DLG1: variants seen among roughly 807,000 people sequenced by gnomAD.
DLG1 encodes disks large homolog 1.
Under a neutral mutation model 123.4 loss-of-function variants are expected in DLG1, and 42 were observed. That is an observed-to-expected ratio of 0.34 (90% CI 0.27 to 0.44). The LOEUF is 0.44. DLG1 is among the 20% of genes least tolerant of loss of function. The pLI is 1.00. For missense variants in DLG1, 942 were observed against 1,082.6 expected (o/e 0.87, Z 1.82); for synonymous variants, 317 against 356.2 (o/e 0.89, Z 1.24).
intron 9 of DLG1, among the ~76,000 whole-genome samples, chr3:197,137,540 T>TA (rs561475437): frequency 2.1e-3 from 319 of 152,242 alleles, no homozygotes; most frequent in African/African-American, 7.5e-3. Flanking sequence ...ATAAAACAAA[T>TA]AGATATTTTG....
intron 16 of DLG1, among the ~76,000 whole-genome samples, chr3:197,082,515 A>G (rs984700174): frequency 1.3e-5 from 2 of 152,230 alleles, no homozygotes; most frequent in Admixed American, 1.3e-4. Context: ...GTGAGCATTT[A>G]CAACTCAACT....
Position 197,297,938 on chromosome 3 carries a change from G to A in DLG1, c.-32+598C>T, listed in dbSNP as rs1352648212. The A allele has an allele frequency of 2.4e-5, 24 of 982,426 alleles. No individual in the cohort carries two copies. The Admixed American group carries it at 2.5e-4, about 10-fold the overall frequency. The allele number at this position is 982,426 out of a possible 1,614,324, so 60.9% of individuals were successfully genotyped here. On this transcript the variant is annotated intron_variant, in intron 1 of 24. Coordinates refer to ENST00000667157, the MANE Select transcript of DLG1 (RefSeq NM_001366207.1). ...AGCCGAGCGGAGGGGGCGAAGGGAC[G>A]GGGGAGGAGCTCCCCTGGGCCGCCG...
intron 4 of DLG1, among the ~76,000 whole-genome samples, chr3:197,236,011 T>C (rs1480430698): frequency 2.0e-5 from 3 of 152,060 alleles, no homozygotes; most frequent in African/African-American, 7.2e-5. Context: ...TCATCAAAAC[T>C]ATCATTCAAA....
chr3:197,188,573 T>C (rs1485391711), intron 5 of DLG1, among the ~76,000 whole-genome samples: 1 of 152,222 alleles, frequency 6.6e-6, no homozygotes, highest in Non-Finnish European at 1.5e-5. Flanking sequence ...AAGCTGTGCC[T>C]AATTTACAAT....
intron 4 of DLG1, among the ~76,000 whole-genome samples, chr3:197,212,733 C>T (rs1043022075): frequency 6.6e-6 from 1 of 152,162 alleles, no homozygotes; most frequent in Non-Finnish European, 1.5e-5. Flanking sequence ...ACCTTATCTC[C>T]AAATAAGGTC....
intron 18 of DLG1, chr3:197,075,797 G>A: frequency 6.3e-7 from 1 of 1,591,326 alleles, no homozygotes; most frequent in Non-Finnish European, 8.6e-7. Flanking sequence ...GTCTGCAGAT[G>A]GAGGTTAAAA....
At chr3:197,176,590 T>C (rs1807220296) in intron 5 of DLG1, among the ~76,000 whole-genome samples, 1 of 152,198 alleles carries the variant, frequency 6.6e-6, no homozygotes, top group South Asian at 2.1e-4. Context: ...TTCTTTCACC[T>C]GGTAATATTC....
At chr3:197,241,192 T>C (rs1163617739) in intron 4 of DLG1, among the ~76,000 whole-genome samples, 1 of 152,094 alleles carries the variant, frequency 6.6e-6, no homozygotes, top group African/African-American at 2.4e-5. Flanking sequence ...CTACCTTGTA[T>C]GACAACAGAC....
At chr3:197,111,674 C>A (rs527894861) in intron 13 of DLG1, among the ~76,000 whole-genome samples, 2 of 152,232 alleles carry the variant, frequency 1.3e-5, no homozygotes, top group Non-Finnish European at 2.9e-5. Context: ...CGATGTTCAA[C>A]TGTGCACTTC....
chr3:197,258,152 AT>A (rs147239349), intron 4 of DLG1, among the ~76,000 whole-genome samples: 1 of 152,004 alleles, frequency 6.6e-6, no homozygotes, highest in Non-Finnish European at 1.5e-5. Context: ...CCAGAAGAGT[AT>A]TTTTTTTAAC....
intron 4 of DLG1, among the ~76,000 whole-genome samples, chr3:197,230,579 G>A (rs1399620103): frequency 6.6e-6 from 1 of 152,186 alleles, no homozygotes; most frequent in Non-Finnish European, 1.5e-5. Flanking sequence ...AGCTAAACTT[G>A]TAGACCAGCA....
intron 6 of DLG1, among the ~76,000 whole-genome samples, chr3:197,143,216 C>T (rs1788930104): frequency 6.6e-6 from 1 of 151,996 alleles, no homozygotes; most frequent in Non-Finnish European, 1.5e-5. Context: ...ATTAGTATTC[C>T]CCACTGCCCA....
chr3:197,222,947 T>C (rs561700554), intron 4 of DLG1, among the ~76,000 whole-genome samples: 21 of 152,288 alleles, frequency 1.4e-4, no homozygotes, highest in African/African-American at 3.9e-4. Context: ...CTTCACAAAA[T>C]ATAAGTTTCT....
At chr3:197,203,240 G>C (rs1726766139) in intron 4 of DLG1, among the ~76,000 whole-genome samples, 2 of 152,100 alleles carry the variant, frequency 1.3e-5, no homozygotes, top group African/African-American at 4.8e-5. Context: ...CTCCAGCCTA[G>C]GCAACAGAGT....
At chr3:197,111,557 A>G (rs772055052) in intron 13 of DLG1, among the ~76,000 whole-genome samples, 3 of 152,230 alleles carry the variant, frequency 2.0e-5, no homozygotes, top group Non-Finnish European at 2.9e-5. Context: ...AAATTACAGT[A>G]TATTTTACAA....
chr3:197,078,382 G>A (rs1224474046), intron 17 of DLG1: 1 of 150,258 alleles, frequency 6.7e-6, no homozygotes, highest in Non-Finnish European at 1.5e-5. Context: ...TATGACTTGA[G>A]AAGACTTATT....
chr3:197,292,343 CTGAG>C (rs1775350324), intron 3 of DLG1, among the ~76,000 whole-genome samples: 1 of 152,186 alleles, frequency 6.6e-6, no homozygotes, highest in African/African-American at 2.4e-5. Flanking sequence ...GGACTCTACA[CTGAG>C]TGAAATAAGC....
chr3:197,118,448 T>C (rs532278209), intron 12 of DLG1, among the ~76,000 whole-genome samples: 299 of 152,306 alleles, frequency 2.0e-3, no homozygotes, highest in African/African-American at 6.9e-3. Context: ...GTTTCCAACA[T>C]TGCTAATTCT....
At chr3:197,089,030 C>T (rs1350661156) in intron 15 of DLG1, among the ~76,000 whole-genome samples, 2 of 152,100 alleles carry the variant, frequency 1.3e-5, no homozygotes, top group Non-Finnish European at 2.9e-5. Flanking sequence ...GGTTGTAAGA[C>T]TAATGCGCAA....
Sources: allele counts gnomAD v4.1 joint callset (sites outside exome capture counted in the v4.1 genomes callset), GRCh38; gene constraint gnomAD v4.1.1; transcripts MANE v1.5; gene names NCBI Gene and HGNC (gene_info 2026-07-23, HGNC 2026-07-21).